COL14A1: variants seen among roughly 807,000 people sequenced by gnomAD.
COL14A1 encodes collagen alpha-1(XIV) chain.
Under a neutral mutation model 230.3 loss-of-function variants are expected in COL14A1, and 136 were observed. The observed-to-expected ratio is 0.59, with a 90% CI of 0.51 to 0.68. The LOEUF (loss-of-function observed/expected upper bound fraction) is 0.68. Among genes scored for constraint, COL14A1 ranks in the 30% least tolerant of loss-of-function variants. The pLI is 0.00. For synonymous variants in COL14A1, 792 were observed against 784.1 expected (o/e 1.01, Z -0.17); for missense variants, 1,976 against 2,215.8 (o/e 0.89, Z 2.17).
intron 2 of COL14A1, among the ~76,000 whole-genome samples, chr8:120,156,914 G>A (rs894350889): frequency 2.0e-5 from 3 of 152,144 alleles, no homozygotes; most frequent in Non-Finnish European, 2.9e-5. Flanking sequence ...GAGAATGTTT[G>A]TTTCTTTTCT....
chr8:120,197,904 C>T lies in COL14A1; in HGVS notation c.686C>T (p.Pro229Leu), dbSNP rs377572243. Residue 229 changes from proline to leucine, a missense_variant, in exon 7 of 48, where the codon CCA becomes CTA. Pro to Leu is a moderately conservative substitution (Grantham distance 98). Around this residue, in one of 3 missense-constraint regions of COL14A1, gnomAD observed 1,791 missense variants for 2,019.5 expected, o/e 0.89. Coordinates refer to ENST00000297848, the MANE Select transcript of COL14A1 (RefSeq NM_021110.4). ...GTGATTGAAGCTGTCCGAAACCTCC[C>T]ATATAAAGGAGGAAATACACTAACA... ...DEVIEAVRNL[P>L]YKGGNTLTGL... is the part of the protein sequence containing the mutation. 2 of 1,613,284 alleles carry T rather than the reference C, an allele frequency of 1.2e-6. No homozygotes were observed. The highest frequency in any genetic ancestry group is 1.7e-6 in the Non-Finnish European group (2 of 1,179,512).
rs932679579 is a variant in COL14A1, at chr8:120,291,572, A to C, written c.4236+1806A>C. Among the ~76,000 whole-genome samples the C allele has an allele frequency of 2.3e-4, 34 of 151,078 alleles. 1 individual carries two copies. Among genetic ancestry groups the C allele is most frequent in the African/African-American group, 7.8e-4 (32 of 41,252 alleles). Reference sequence around the variant, plus strand: ...AAGACTCCATCTCAAAAAAAAAAAAAAAAAAAAAACCAAAAAACCACAAAG... The same window carrying C: ...AAGACTCCATCTCAAAAAAAAAAAACAAAAAAAAACCAAAAAACCACAAAG... On this transcript the variant is annotated intron_variant, in intron 34 of 47. Coordinates refer to ENST00000297848, the MANE Select transcript of COL14A1 (RefSeq NM_021110.4).
Position 120,148,156 on chromosome 8 carries a change from T to G in COL14A1, c.88+226T>G, listed in dbSNP as rs1033766303. Among the ~76,000 whole-genome samples, 12 of 150,710 alleles carry G rather than the reference T, an allele frequency of 8.0e-5. No homozygotes were observed. In the South Asian group the frequency reaches 2.6e-3, roughly 32 times the overall value. On this transcript the variant is annotated intron_variant, in intron 2 of 47. Transcript: ENST00000297848. ...TAAATAGGTCATTCTTTTTTTTTTT[T>G]TTTTTTTTGAGTCAGAGTCTTGCTC... is the stretch of plus-strand genomic sequence containing the variant.
chr8:120,196,863 G>A lies in COL14A1; in HGVS notation c.509G>A (p.Gly170Glu). The A allele has an allele frequency of 1.2e-6, 2 of 1,614,116 alleles. No homozygotes were observed. Among genetic ancestry groups the A allele is most frequent in the Non-Finnish European group, 1.7e-6 (2 of 1,180,002 alleles). The change falls in exon 6 of 48, where the codon GGA becomes GAA. Residue 170 changes from glycine to glutamate, a missense_variant. Around this residue, in one of 3 missense-constraint regions of COL14A1, gnomAD observed 1,791 missense variants for 2,019.5 expected, o/e 0.89. Transcript: ENST00000297848. ...CTGGTCGATGGTTCATGGAGTATTG[G>A]AAGATTCAACTTCAGACTGGTTCGG... ...VILVDGSWSI[G>E]RFNFRLVRHF...
intron 40 of COL14A1, among the ~76,000 whole-genome samples, chr8:120,329,296 A>G (rs1302264209): frequency 6.6e-6 from 1 of 152,072 alleles, no homozygotes; most frequent in East Asian, 1.9e-4. Flanking sequence ...TGGACAGGCT[A>G]CATTTAAACT....
chr8:120,192,512 C>G (rs1456172727), intron 5 of COL14A1, among the ~76,000 whole-genome samples: 7 of 152,266 alleles, frequency 4.6e-5, no homozygotes, highest in Non-Finnish European at 8.8e-5. Context: ...GTGAATCTGA[C>G]AATTATGTAT....
At chr8:120,318,028 A>T (rs1475292502) in intron 40 of COL14A1, among the ~76,000 whole-genome samples, 1 of 152,186 alleles carries the variant, frequency 6.6e-6, no homozygotes, top group East Asian at 1.9e-4. Context: ...TCCTGTGATG[A>T]TTCTTCTAGA....
chr8:120,221,526 C>A (rs1817932331), intron 14 of COL14A1, among the ~76,000 whole-genome samples: 2 of 150,776 alleles, frequency 1.3e-5, no homozygotes, highest in African/African-American at 2.5e-5. Flanking sequence ...ATTTAATAAA[C>A]AATATCCTTT....
chr8:120,323,385 T>G (rs1311286549), intron 40 of COL14A1, among the ~76,000 whole-genome samples: 2 of 152,164 alleles, frequency 1.3e-5, no homozygotes, highest in Non-Finnish European at 1.5e-5. Context: ...AGTCTGTTGA[T>G]AGTTTCTTTT....
chr8:120,183,367 G>A (rs1160811696), intron 5 of COL14A1, among the ~76,000 whole-genome samples: 2 of 152,142 alleles, frequency 1.3e-5, no homozygotes, highest in Non-Finnish European at 2.9e-5. Flanking sequence ...GCCAGTCACG[G>A]GGATGGTAGA....
chr8:120,319,782 T>C (rs534571523), intron 40 of COL14A1, among the ~76,000 whole-genome samples: 13 of 152,246 alleles, frequency 8.5e-5, no homozygotes, highest in Middle Eastern at 3.2e-3. Flanking sequence ...CTGAACTTCA[T>C]TGAACAAGTT....
chr8:120,232,347 C>G (rs1422884483), intron 19 of COL14A1, among the ~76,000 whole-genome samples: 1 of 151,984 alleles, frequency 6.6e-6, no homozygotes, highest in African/African-American at 2.4e-5. Flanking sequence ...TATACATGGA[C>G]CATGGTAGTT....
At chr8:120,220,852 ATGG>A (rs1817913025) in intron 14 of COL14A1, among the ~76,000 whole-genome samples, 1 of 152,164 alleles carries the variant, frequency 6.6e-6, no homozygotes, top group African/African-American at 2.4e-5. Flanking sequence ...GGTGATGATT[ATGG>A]TGATGATGAT....
intron 19 of COL14A1, among the ~76,000 whole-genome samples, chr8:120,243,644 T>C (rs1818676381): frequency 6.6e-6 from 1 of 152,074 alleles, no homozygotes; most frequent in South Asian, 2.1e-4. Flanking sequence ...GAATATTCCT[T>C]AGAGCTTAAG....
intron 9 of COL14A1, among the ~76,000 whole-genome samples, chr8:120,204,892 C>T (rs1817379662): frequency 6.6e-6 from 1 of 152,126 alleles, no homozygotes; most frequent in African/African-American, 2.4e-5. Context: ...CATGTGGTCT[C>T]TCTTGATATC....
chr8:120,176,710 T>A (rs1253581198), intron 5 of COL14A1, among the ~76,000 whole-genome samples: 2 of 152,082 alleles, frequency 1.3e-5, no homozygotes, highest in Non-Finnish European at 2.9e-5. Flanking sequence ...GGGAAGGAGT[T>A]GGGTTCAGTC....
At chr8:120,202,600 T>C (rs1265620299) in intron 8 of COL14A1, among the ~76,000 whole-genome samples, 3 of 152,164 alleles carry the variant, frequency 2.0e-5, no homozygotes, top group Non-Finnish European at 4.4e-5. Flanking sequence ...TGTTGGTAAA[T>C]GTTTACTCAT....
intron 14 of COL14A1, among the ~76,000 whole-genome samples, chr8:120,224,023 CTTTT>C (rs962510256): frequency 1.3e-4 from 10 of 78,280 alleles, no homozygotes; most frequent in Non-Finnish European, 2.0e-4. Context: ...CCCTCATCTC[CTTTT>C]TTTTTTTTTT....
intron 2 of COL14A1, among the ~76,000 whole-genome samples, chr8:120,148,323 G>A (rs60298200): frequency 0.046 from 7,053 of 151,814 alleles, 545 homozygotes; most frequent in African/African-American, 0.16. Context: ...AGTAGAAACA[G>A]GGTTTCACCA....
Sources: allele counts gnomAD v4.1 joint callset (sites outside exome capture counted in the v4.1 genomes callset), GRCh38; gene constraint gnomAD v4.1.1; regional missense constraint gnomAD v4.1.1; transcripts MANE v1.5; gene names NCBI Gene and HGNC (gene_info 2026-07-23, HGNC 2026-07-21).